NPHP4: variants seen among roughly 807,000 people sequenced by gnomAD.
NPHP4 encodes the protein nephrocystin-4.
In NPHP4, 151 loss-of-function variants were observed where a neutral mutation model predicts 155.8. The observed-to-expected ratio is 0.97, with a 90% CI of 0.85 to 1.11. The LOEUF (loss-of-function observed/expected upper bound fraction) is 1.11. Ranked by LOEUF, NPHP4 falls within the 50% of genes least tolerant of loss-of-function variation. The pLI, the probability that NPHP4 is intolerant of heterozygous loss-of-function variation, is 0.00. For synonymous variants in NPHP4, 845 were observed against 816.8 expected (o/e 1.03, Z -0.59); for missense variants, 1,956 against 1,925.7 (o/e 1.02, Z -0.29).
chr1:5,964,973 G>A (rs1444027490), intron 5 of NPHP4, among the ~76,000 whole-genome samples: 7 of 91,248 alleles, frequency 7.7e-5, no homozygotes, highest in Non-Finnish European at 1.2e-4. Flanking sequence ...TCTCACCGTC[G>A]CCCAGGCTGG....
intron 16 of NPHP4, among the ~76,000 whole-genome samples, chr1:5,902,557 C>T (rs761021236): frequency 2.6e-5 from 4 of 152,168 alleles, no homozygotes; most frequent in Admixed American, 6.6e-5. Context: ...TTTGGTTGAC[C>T]CGTTCTATTG....
chr1:5,930,556 G>A (rs941742860), intron 10 of NPHP4, among the ~76,000 whole-genome samples: 21 of 152,034 alleles, frequency 1.4e-4, no homozygotes, highest in African/African-American at 4.6e-4. Context: ...TTTACATATT[G>A]TTTAATTTCC....
intron 16 of NPHP4, among the ~76,000 whole-genome samples, chr1:5,895,195 G>A (rs1644333089): frequency 6.6e-6 from 1 of 152,118 alleles, no homozygotes. Flanking sequence ...GGTGGGGGAA[G>A]GGGGGAGGGA....
intron 20 of NPHP4, among the ~76,000 whole-genome samples, chr1:5,875,594 C>T (rs527855264): frequency 6.6e-6 from 1 of 152,254 alleles, no homozygotes; most frequent in Non-Finnish European, 1.5e-5. Context: ...GCTGCCTCAG[C>T]AAGGCTCAGC....
chr1:5,887,223 C>T, intron 18 of NPHP4, 63 bp downstream of exon 18: 7 of 1,480,550 alleles, frequency 4.7e-6, no homozygotes, highest in Non-Finnish European at 6.4e-6. Flanking sequence ...CCGAGGGAGC[C>T]CACACTCTAC....
At chr1:5,948,042 C>T (rs1306437819) in intron 8 of NPHP4, 28 bp downstream of exon 8, 1 of 1,578,522 alleles carries the variant, frequency 6.3e-7, no homozygotes, top group Non-Finnish European at 8.7e-7. Flanking sequence ...ACATCCCCAC[C>T]CATCCCTGGG....
chr1:5,866,955 A>C (rs1570057128), intron 25 of NPHP4, 75 bp downstream of exon 25: 1 of 1,086,362 alleles, frequency 9.2e-7, no homozygotes, highest in African/African-American at 1.5e-5. Flanking sequence ...ATCCCAGGAT[A>C]CCCGTGGGGA....
chr1:5,975,940 A>G (rs1653483854), intron 3 of NPHP4, among the ~76,000 whole-genome samples: 1 of 152,234 alleles, frequency 6.6e-6, no homozygotes, highest in African/African-American at 2.4e-5. Flanking sequence ...TGGCCTGCGC[A>G]GCACGGATCC....
intron 11 of NPHP4, among the ~76,000 whole-genome samples, chr1:5,917,063 C>G (rs1198686990): frequency 1.3e-5 from 2 of 152,172 alleles, no homozygotes; most frequent in Non-Finnish European, 1.5e-5. Context: ...GGAGCCCCAA[C>G]CCAGAGGCAG....
rs890783819 is a variant in NPHP4, at chr1:5,892,034, C to A, written c.2144-1006G>T. On this transcript the variant is annotated intron_variant, in intron 16 of 29. Transcript: ENST00000378156. The surrounding 1 kb of genome is among the most constrained non-coding windows in gnomAD (Gnocchi z 4.5). ...CGGCGCTGGCCACAGCAGGAGCTCA[C>A]GGGGGCATCTTGGGGCAGAAAGGCA... 5.3e-5 allele frequency among the ~76,000 whole-genome samples: 8 copies of A among 152,208 alleles called. No homozygotes were observed. Among genetic ancestry groups the A allele is most frequent in the Non-Finnish European group, 1.0e-4 (7 of 68,036 alleles).
intron 5 of NPHP4, among the ~76,000 whole-genome samples, chr1:5,966,921 C>T (rs1340498849): frequency 3.9e-5 from 6 of 152,264 alleles, no homozygotes; most frequent in African/African-American, 1.4e-4. Context: ...AAGGCGGCCT[C>T]TCAGCCATGG....
At chr1:5,969,587 C>T (rs1428766554) in intron 3 of NPHP4, among the ~76,000 whole-genome samples, 1 of 152,206 alleles carries the variant, frequency 6.6e-6, no homozygotes, top group African/African-American at 2.4e-5. Context: ...CCCAGGCCCA[C>T]TAGAGCAGAA....
rs182903335 is a variant in NPHP4, at chr1:5,947,084, T to A, written c.1119+20A>T. 5 of 1,613,752 alleles carry A rather than the reference T, an allele frequency of 3.1e-6. No homozygotes were observed. The East Asian group carries it at 1.1e-4, about 36-fold the overall frequency. ...GAGTTCACCACCAGAGGAAACCGAG[T>A]GCAAAAGGGCTGTTCTTACATTGCC... On this transcript the variant is annotated intron_variant, in intron 9 of 29. Coordinates refer to ENST00000378156, the MANE Select transcript of NPHP4 (RefSeq NM_015102.5).
At chr1:5,949,385 T>C (rs949994315) in intron 7 of NPHP4, among the ~76,000 whole-genome samples, 7 of 59,990 alleles carry the variant, frequency 1.2e-4, no homozygotes, top group African/African-American at 3.6e-4. Context: ...GCTAACTTCA[T>C]AGACTACTAG....
Position 5,900,569 on chromosome 1 carries a change from G to A in NPHP4, c.2143+4048C>T, listed in dbSNP as rs548636959. Among the ~76,000 whole-genome samples the A allele has an allele frequency of 2.0e-4, 30 of 152,274 alleles. No homozygotes were observed. The South Asian group carries it at 3.1e-3, about 16-fold the overall frequency. On this transcript the variant is annotated intron_variant, in intron 16 of 29. Coordinates refer to ENST00000378156, the MANE Select transcript of NPHP4 (RefSeq NM_015102.5). ...AGGAGGGGAGGGCTAAATAGGTGGAGCGCAGGGGAGGTGTAGGGCCATGAA... is the reference window on the plus strand; with the variant it reads ...AGGAGGGGAGGGCTAAATAGGTGGAACGCAGGGGAGGTGTAGGGCCATGAA...
chr1:5,963,616 C>T (rs1359837225), intron 5 of NPHP4, among the ~76,000 whole-genome samples: 3 of 152,028 alleles, frequency 2.0e-5, no homozygotes, highest in Non-Finnish European at 4.4e-5. Flanking sequence ...CAGGATTTTG[C>T]CCTAAGAATT....
At chr1:5,959,248 T>C (rs1196488952) in intron 6 of NPHP4, among the ~76,000 whole-genome samples, 1 of 152,220 alleles carries the variant, frequency 6.6e-6, no homozygotes, top group Non-Finnish European at 1.5e-5. Context: ...TTCTAGGCAC[T>C]GCCAGCATTC....
chr1:5,865,556 G>GT (rs1641132468), intron 26 of NPHP4: 1 of 370,860 alleles, frequency 2.7e-6, no homozygotes, highest in African/African-American at 2.0e-5. Flanking sequence ...GGAACCACAT[G>GT]TCAAACAAAT....
At chr1:5,869,880 G>A (rs1325737330) in intron 23 of NPHP4, among the ~76,000 whole-genome samples, 2 of 152,226 alleles carry the variant, frequency 1.3e-5, no homozygotes, top group East Asian at 1.9e-4. Context: ...GAAGAAACCC[G>A]TGATGTTAAA....
Sources: allele counts gnomAD v4.1 joint callset (sites outside exome capture counted in the v4.1 genomes callset), GRCh38; gene constraint gnomAD v4.1.1; non-coding constraint Gnocchi (gnomAD v3.1); transcripts MANE v1.5; gene names NCBI Gene and HGNC (gene_info 2026-07-23, HGNC 2026-07-21).